Variants in HELZ observed in about 807,000 individuals in gnomAD.
The protein encoded by HELZ is helicase with zinc finger, also known as ATP-dependent RNA helicase with zinc finger domain.
In HELZ, 23 loss-of-function variants were observed where a neutral mutation model predicts 218.2. That is an observed-to-expected ratio of 0.11 (90% confidence interval 0.08 to 0.15). The LOEUF (loss-of-function observed/expected upper bound fraction) is 0.15. HELZ is among the 10% of genes least tolerant of loss of function. The pLI, the probability that HELZ is intolerant of heterozygous loss-of-function variation, is 1.00. For missense variants in HELZ, 1,813 were observed against 2,353.7 expected (o/e 0.77, Z 4.75); for synonymous variants, 814 against 829.4 (o/e 0.98, Z 0.32).
chr17:67,152,663 C>A (rs1436411622), intron 17 of HELZ, among the ~76,000 whole-genome samples: 1 of 149,240 alleles, frequency 6.7e-6, no homozygotes, highest in Non-Finnish European at 1.5e-5. Flanking sequence ...CAAGGCAATA[C>A]ATAAGTTTGG....
At chr17:67,134,977 C>T (rs2038102874) in intron 23 of HELZ, among the ~76,000 whole-genome samples, 1 of 140,834 alleles carries the variant, frequency 7.1e-6, no homozygotes, top group Admixed American at 7.1e-5. Flanking sequence ...TGTTCGACTG[C>T]TTTTTTTTTT....
chr17:67,175,913 T>C (rs1476570816), intron 13 of HELZ, among the ~76,000 whole-genome samples: 2 of 152,154 alleles, frequency 1.3e-5, no homozygotes, highest in Non-Finnish European at 2.9e-5. Flanking sequence ...ATAAATATGA[T>C]ATAACTTTAA....
In HELZ at chr17:67,188,297, G is replaced by T; in HGVS notation, c.1162+22C>A. On this transcript the variant is annotated intron_variant, in intron 12 of 32. Coordinates refer to ENST00000358691, the MANE Select transcript of HELZ (RefSeq NM_014877.4). This position sits in a 1 kb window ranked among gnomAD's most constrained non-coding sequence, Gnocchi z 4.1. ...GTTGCTTTTTAACACATTGTATCGG[G>T]GGAAAAAAGTCTAAATATTACCTTC... 6.3e-7 allele frequency: 1 copy of T among 1,585,132 alleles called. No individual in the cohort carries two copies. Among genetic ancestry groups the T allele is most frequent in the Non-Finnish European group, 8.6e-7 (1 of 1,162,238 alleles).
chr17:67,152,495 T>C (rs1006853420), intron 17 of HELZ, among the ~76,000 whole-genome samples: 3 of 152,022 alleles, frequency 2.0e-5, no homozygotes, highest in Non-Finnish European at 2.9e-5. Flanking sequence ...GAACTAGAAG[T>C]GGAATTTGAG....
chr17:67,160,455 ATAT>A (rs750272189), intron 16 of HELZ, 93 bp from the exon 17 acceptor site: 7 of 769,092 alleles, frequency 9.1e-6, no homozygotes, highest in African/African-American at 1.8e-5. Flanking sequence ...GGCCATCCTA[ATAT>A]TATACAATTC....
At chr17:67,216,372 G>A (rs183852336) in intron 4 of HELZ, among the ~76,000 whole-genome samples, 33 of 152,164 alleles carry the variant, frequency 2.2e-4, no homozygotes, top group African/African-American at 7.0e-4. Context: ...CAACTCAGCC[G>A]CCTACGCAGG....
chr17:67,107,997 GA>G (rs2037161197), intron 30 of HELZ, among the ~76,000 whole-genome samples: 2 of 152,266 alleles, frequency 1.3e-5, no homozygotes, highest in South Asian at 2.1e-4. Context: ...AAGGGATTAG[GA>G]AACACTTCAG....
Position 67,073,974 on chromosome 17 carries a change from T to C in HELZ, c.*4278A>G, listed in dbSNP as rs2035955275. Reference sequence around the variant, plus strand: ...ACTCTTTCAAGATGGAGATGGTGTCTTTGTAAGTGATTGGCACCACTACGT... The same window carrying C: ...ACTCTTTCAAGATGGAGATGGTGTCCTTGTAAGTGATTGGCACCACTACGT... On this transcript the variant is annotated 3_prime_UTR_variant, in exon 33 of 33. Transcript: ENST00000358691. 4 of 152,318 alleles carry C rather than the reference T, an allele frequency of 2.6e-5. No homozygotes were observed. The South Asian group carries it at 8.3e-4, about 32-fold the overall frequency. The allele number at this position is 152,318 out of a possible 1,614,324, so 9.4% of individuals were successfully genotyped here. A position where few individuals can be genotyped will look rare whatever the true frequency, so the allele number is the denominator to read the frequency against.
chr17:67,235,504 CAAA>C (rs535025750), intron 3 of HELZ, among the ~76,000 whole-genome samples: 3 of 122,014 alleles, frequency 2.5e-5, no homozygotes, highest in African/African-American at 3.0e-5. Context: ...GACTCCCTCA[CAAA>C]AAAAAAAAAA....
intron 7 of HELZ, 42 bp downstream of exon 7, chr17:67,201,083 AGATT>A (rs1229839478): frequency 7.5e-7 from 1 of 1,326,014 alleles, no homozygotes; most frequent in Non-Finnish European, 1.1e-6. Context: ...CTTACTAGAC[AGATT>A]GAGTCAAACT....
intron 32 of HELZ, 143 bp downstream of exon 32, chr17:67,086,686 G>A: frequency 2.3e-6 from 1 of 432,034 alleles, no homozygotes; most frequent in East Asian, 3.8e-5. Flanking sequence ...GTCCTAAATT[G>A]CACACCTATG....
At chr17:67,203,544 CT>C in intron 5 of HELZ, 101 bp from the exon 6 acceptor site, 29 of 1,355,152 alleles carry the variant, frequency 2.1e-5, no homozygotes, top group Non-Finnish European at 3.0e-5. Context: ...TTTTTATATG[CT>C]AAAAGAGTAA....
intron 3 of HELZ, among the ~76,000 whole-genome samples, chr17:67,234,227 G>A (rs1232752404): frequency 1.4e-5 from 2 of 145,702 alleles, no homozygotes; most frequent in East Asian, 4.0e-4. Flanking sequence ...GGAGGCTGAA[G>A]CAGGAAAATT....
chr17:67,231,651 C>T (rs542867893), intron 3 of HELZ, among the ~76,000 whole-genome samples: 60 of 151,504 alleles, frequency 4.0e-4, no homozygotes, highest in African/African-American at 1.4e-3. Context: ...ACAAACGTGC[C>T]GTGGAAACCT....
chr17:67,111,573 G>T (rs1297571819), intron 28 of HELZ, among the ~76,000 whole-genome samples: 4 of 152,168 alleles, frequency 2.6e-5, no homozygotes. Context: ...TGACCAACCT[G>T]TTGCAACAAA....
At chr17:67,180,494 G>A (rs1203405984) in intron 12 of HELZ, among the ~76,000 whole-genome samples, 1 of 151,984 alleles carries the variant, frequency 6.6e-6, no homozygotes, top group Non-Finnish European at 1.5e-5. Flanking sequence ...CTATAATCCT[G>A]GTACTTTAGG....
chr17:67,166,586 T>G lies in HELZ; in HGVS notation c.1787A>C (p.Asn596Thr). The change falls in exon 15 of 33, where the codon AAT (asparagine) becomes ACT (threonine). Residue 596 changes from asparagine to threonine, a missense_variant. By Grantham distance (65) the Asn-to-Thr change is moderately conservative. Transcript: ENST00000358691. ...GTGCATTTCACAGAGGGGTAATCGA[T>G]TTAATTGAAACTGAAGTTCAACCTG... Reference protein sequence around the residue: ...DTQVELQFQLNRLPLCEMHYA... With the variant: ...DTQVELQFQLTRLPLCEMHYA... 6.2e-7 allele frequency: 1 copy of G among 1,613,568 alleles called. No individual in the cohort carries two copies.
chr17:67,106,450 G>A (rs2037104745), intron 31 of HELZ, among the ~76,000 whole-genome samples: 1 of 151,532 alleles, frequency 6.6e-6, no homozygotes, highest in South Asian at 2.1e-4. Context: ...TGGGACTACA[G>A]GCGCCCGCCA....
At chr17:67,112,769 T>C (rs1025142342) in intron 28 of HELZ, among the ~76,000 whole-genome samples, 2 of 152,198 alleles carry the variant, frequency 1.3e-5, no homozygotes, top group African/African-American at 2.4e-5. Context: ...CAGGTGGGAC[T>C]AGGACAGAAC....
Sources: allele counts gnomAD v4.1 joint callset (sites outside exome capture counted in the v4.1 genomes callset), GRCh38; gene constraint gnomAD v4.1.1; non-coding constraint Gnocchi (gnomAD v3.1); transcripts MANE v1.5; gene names NCBI Gene and HGNC (gene_info 2026-07-23, HGNC 2026-07-21).